KCTD16: variants seen among roughly 807,000 people sequenced by gnomAD.
The protein encoded by KCTD16 is potassium channel tetramerization domain containing 16, also known as BTB/POZ domain-containing protein KCTD16.
In KCTD16, 13 loss-of-function variants were observed where a neutral mutation model predicts 33.2. The observed-to-expected ratio is 0.39, with a 90% CI of 0.25 to 0.62. The LOEUF is 0.62. Among genes scored for constraint, KCTD16 ranks in the 20% least tolerant of loss-of-function variants. KCTD16 has a pLI of 0.50. For synonymous variants in KCTD16, 197 were observed against 195.3 expected, an observed-to-expected ratio of 1.01 and a Z score of -0.07; for missense variants, 441 against 525.1, an observed-to-expected ratio of 0.84 and a Z score of 1.57.
rs1754550929 is a variant in KCTD16, at chr5:144,474,438, C to T, written c.*324C>T. ...GAGAGGCCTTGGGAGTCATTTATCC[C>T]AAACTGGGTTTTTTCTCTCATCCTT... On this transcript the variant is annotated 3_prime_UTR_variant, in exon 4 of 4. Coordinates refer to ENST00000512467, the MANE Select transcript of KCTD16 (RefSeq NM_020768.4). 1 of 210,242 alleles carries T rather than the reference C, an allele frequency of 4.8e-6. No individual in the cohort carries two copies. Among genetic ancestry groups the T allele is most frequent in the Admixed American group, 5.3e-5 (1 of 18,692 alleles). The allele number at this position is 210,242 out of a possible 1,614,324, so 13.0% of individuals were successfully genotyped here.
At chr5:144,254,193 A>C (rs1262786403) in intron 3 of KCTD16, among the ~76,000 whole-genome samples, 1 of 151,760 alleles carries the variant, frequency 6.6e-6, no homozygotes, top group East Asian at 1.9e-4. Flanking sequence ...GCTGTCGTGC[A>C]GTGGCGCGAT....
chr5:144,435,827 GTGTGTGTGTGTGTGTA>G (rs1360490684), intron 3 of KCTD16, among the ~76,000 whole-genome samples: 1 of 149,366 alleles, frequency 6.7e-6, no homozygotes, highest in Non-Finnish European at 1.5e-5. Context: ...GCTTTCCTGT[GTGTGTGTGTGTGTGTA>G]TGTGTGTGTG....
intron 3 of KCTD16, among the ~76,000 whole-genome samples, chr5:144,427,927 A>C (rs1435067962): frequency 6.6e-6 from 1 of 152,114 alleles, no homozygotes; most frequent in Non-Finnish European, 1.5e-5. Flanking sequence ...TTTATCAGTA[A>C]AATTAAGGTA....
chr5:144,465,373 G>A (rs1298850821), intron 3 of KCTD16, among the ~76,000 whole-genome samples: 1 of 152,134 alleles, frequency 6.6e-6, no homozygotes, highest in Non-Finnish European at 1.5e-5. Flanking sequence ...AGACTGTCCA[G>A]ATGTGAAACA....
chr5:144,341,968 A>G (rs1223666024), intron 3 of KCTD16, among the ~76,000 whole-genome samples: 2 of 152,098 alleles, frequency 1.3e-5, no homozygotes, highest in African/African-American at 4.8e-5. Flanking sequence ...GTAGTACATT[A>G]TTGCTTTCAC....
At chr5:144,291,723 C>T (rs1383352822) in intron 3 of KCTD16, among the ~76,000 whole-genome samples, 4 of 152,148 alleles carry the variant, frequency 2.6e-5, no homozygotes. Flanking sequence ...AGATAAAATT[C>T]AGCGCATCTG....
intron 2 of KCTD16, among the ~76,000 whole-genome samples, chr5:144,198,788 G>A (rs1752984643): frequency 6.6e-6 from 1 of 152,308 alleles, no homozygotes. Context: ...AAGGGCAAAT[G>A]TGCTTAGAGT....
chr5:144,425,676 G>GTA (rs1753312110), intron 3 of KCTD16, among the ~76,000 whole-genome samples: 1 of 151,998 alleles, frequency 6.6e-6, no homozygotes, highest in Admixed American at 6.6e-5. Flanking sequence ...GTAGCAGCAT[G>GTA]TACCACGCCT....
At chr5:144,251,228 CA>C (rs1754692168) in intron 3 of KCTD16, among the ~76,000 whole-genome samples, 1 of 152,072 alleles carries the variant, frequency 6.6e-6, no homozygotes, top group Admixed American at 6.6e-5. Flanking sequence ...CTGCATGTAA[CA>C]GATACAGAAA....
At chr5:144,175,004 A>G (rs1752470055) in intron 2 of KCTD16, among the ~76,000 whole-genome samples, 1 of 152,144 alleles carries the variant, frequency 6.6e-6, no homozygotes, top group African/African-American at 2.4e-5. Context: ...GTAGTAGGGG[A>G]GATAATATGA....
chr5:144,280,033 A>G (rs760764482), intron 3 of KCTD16, among the ~76,000 whole-genome samples: 1 of 152,158 alleles, frequency 6.6e-6, no homozygotes. Context: ...TTCTCAACCT[A>G]TACTTGTTTT....
intron 3 of KCTD16, among the ~76,000 whole-genome samples, chr5:144,366,099 C>T (rs889276950): frequency 2.6e-5 from 4 of 152,070 alleles, no homozygotes; most frequent in Non-Finnish European, 4.4e-5. Flanking sequence ...TTGGAATGTA[C>T]ACTCATACAT....
In KCTD16 at chr5:144,375,808, C is replaced by CCCTT. The variant is rs1007275876; in HGVS notation, c.833-97835_833-97832dup. On this transcript the variant is annotated intron_variant, in intron 3 of 3. Coordinates refer to ENST00000512467, the MANE Select transcript of KCTD16 (RefSeq NM_020768.4). ...AACTCCTTCCCTTCCTTCCCTGCCT[C>CCCTT]CCTTCCTTCCTTCCTTCCTTTCTTT... Among the ~76,000 whole-genome samples the CCCTT allele has an allele frequency of 8.6e-5, 13 of 151,938 alleles. 1 individual carries two copies. The highest frequency in any genetic ancestry group is 3.4e-3 in the Middle Eastern group (1 of 294).
chr5:144,357,109 AG>A (rs1399338271), intron 3 of KCTD16, among the ~76,000 whole-genome samples: 1 of 93,724 alleles, frequency 1.1e-5, no homozygotes, highest in Non-Finnish European at 2.8e-5. Flanking sequence ...TTACTCTTAT[AG>A]GTTACAACTT....
intron 3 of KCTD16, among the ~76,000 whole-genome samples, chr5:144,255,541 G>A (rs891486458): frequency 1.3e-5 from 2 of 152,078 alleles, no homozygotes; most frequent in African/African-American, 4.8e-5. Flanking sequence ...TTGAAATTAT[G>A]TCTCACTATG....
chr5:144,345,708 A>G (rs1364108445), intron 3 of KCTD16, among the ~76,000 whole-genome samples: 1 of 152,040 alleles, frequency 6.6e-6, no homozygotes, highest in Non-Finnish European at 1.5e-5. Flanking sequence ...AAAAAAAATT[A>G]GATTTTATTT....
At chr5:144,270,257 T>C (rs1013458710) in intron 3 of KCTD16, among the ~76,000 whole-genome samples, 5 of 151,902 alleles carry the variant, frequency 3.3e-5, no homozygotes, top group African/African-American at 1.2e-4. Context: ...GAATGGGACG[T>C]GGGACATTTT....
chr5:144,308,108 G>GCTTGGTT (rs1340572010), intron 3 of KCTD16, among the ~76,000 whole-genome samples: 2 of 152,196 alleles, frequency 1.3e-5, no homozygotes, highest in Non-Finnish European at 2.9e-5. Context: ...TAAGATATGG[G>GCTTGGTT]CTTGGTTGGG....
chr5:144,410,178 G>C (rs1217949275), intron 3 of KCTD16, among the ~76,000 whole-genome samples: 1 of 152,182 alleles, frequency 6.6e-6, no homozygotes, highest in African/African-American at 2.4e-5. Flanking sequence ...CTGTGCATGG[G>C]CTCTGGCAAA....
Sources: allele counts gnomAD v4.1 joint callset (sites outside exome capture counted in the v4.1 genomes callset), GRCh38; gene constraint gnomAD v4.1.1; transcripts MANE v1.5; gene names NCBI Gene and HGNC (gene_info 2026-07-23, HGNC 2026-07-21).